FOXP2: variants seen among roughly 807,000 people sequenced by gnomAD.
FOXP2 encodes forkhead box protein P2.
A neutral mutation model predicts 115.8 loss-of-function variants in FOXP2; 12 were observed. That is an observed-to-expected ratio of 0.10 (90% CI 0.07 to 0.17). The LOEUF is 0.17. Ranked by LOEUF, FOXP2 falls within the 10% of genes least tolerant of loss-of-function variation. The pLI, the probability that FOXP2 is intolerant of heterozygous loss-of-function variation, is 1.00. For missense variants in FOXP2, 629 were observed against 843.5 expected, an observed-to-expected ratio of 0.75 and a Z score of 3.15; for synonymous variants, 328 against 297.7, an observed-to-expected ratio of 1.10 and a Z score of -1.05.
chr7:114,643,292 T>A (rs1805685267), intron 7 of FOXP2, among the ~76,000 whole-genome samples: 3 of 152,164 alleles, frequency 2.0e-5, no homozygotes, highest in African/African-American at 7.2e-5. Context: ...AAAAATCAGT[T>A]CTTTAATTTC....
chr7:114,570,918 G>A lies in FOXP2; in HGVS notation c.258+36212G>A, dbSNP rs774797359. 2.8e-5 allele frequency: 44 copies of A among 1,573,550 alleles called. No homozygotes were observed. In the Admixed American group the frequency reaches 7.2e-4, roughly 26 times the overall value. On this transcript the variant is annotated intron_variant, in intron 3 of 16. Transcript: ENST00000350908. ...TGGGCAATTAGAAATTCAGCTACTA[G>A]GCACAAGGCCATGGACCCAGTCCCA...
intron 3 of FOXP2, among the ~76,000 whole-genome samples, chr7:114,589,914 T>A: frequency 6.9e-6 from 1 of 145,638 alleles, no homozygotes; most frequent in African/African-American, 2.4e-5. Context: ...TTTGTTTTTG[T>A]TTTTTTCCAG....
At chr7:114,497,705 AT>A (rs57028364) in intron 2 of FOXP2, among the ~76,000 whole-genome samples, 2,363 of 149,072 alleles carry the variant, frequency 0.016, 35 homozygotes, top group Non-Finnish European at 0.025. Context: ...AAATAAATAA[AT>A]AAAAGTTGCA....
Position 114,661,472 on chromosome 7 carries a change from T to C in FOXP2, c.1648-593T>C, listed in dbSNP as rs146082694. Among the ~76,000 whole-genome samples, 866 of 152,112 alleles carry C rather than the reference T, an allele frequency of 5.7e-3. 8 individuals are homozygous for C. Among genetic ancestry groups the C allele is most frequent in the Middle Eastern group, 0.054 (16 of 294 alleles). ...AGTTTAACATTTACAAAAACTTTAT[T>C]GGGAATTTAAAAAAAATCTAAGTGT... On this transcript the variant is annotated intron_variant, in intron 13 of 16. Coordinates refer to ENST00000350908, the MANE Select transcript of FOXP2 (RefSeq NM_014491.4).
chr7:114,376,677 T>C (rs757245805), intron 2 of FOXP2, among the ~76,000 whole-genome samples: 1 of 152,182 alleles, frequency 6.6e-6, no homozygotes, highest in African/African-American at 2.4e-5. Context: ...ACTGAGGAGA[T>C]GGACAGGATG....
chr7:114,211,086 C>G (rs889697616), intron 1 of FOXP2, among the ~76,000 whole-genome samples: 1 of 152,186 alleles, frequency 6.6e-6, no homozygotes, highest in Non-Finnish European at 1.5e-5. Flanking sequence ...TTCCAGCTTG[C>G]TGCTGTTGGC....
chr7:114,609,301 C>T (rs1228953301), intron 3 of FOXP2, among the ~76,000 whole-genome samples: 1 of 151,580 alleles, frequency 6.6e-6, no homozygotes. Flanking sequence ...AAGAACTGTG[C>T]AAGTTAAAAT....
At chr7:114,602,880 AGCAAAAATAGAAAACTATGCAAT>A (rs1803105572) in intron 3 of FOXP2, among the ~76,000 whole-genome samples, 1 of 152,198 alleles carries the variant, frequency 6.6e-6, no homozygotes, top group African/African-American at 2.4e-5. Context: ...AATATTCTTT[AGCAAAAATAGAAAACTATGCAAT>A]TGTAATACTG....
At chr7:114,375,204 T>G (rs1275564197) in intron 2 of FOXP2, among the ~76,000 whole-genome samples, 1 of 152,052 alleles carries the variant, frequency 6.6e-6, no homozygotes, top group Admixed American at 6.5e-5. Flanking sequence ...ATCAAAACAA[T>G]CCTTACTATA....
chr7:114,118,380 A>G (rs776455744), intron 1 of FOXP2, among the ~76,000 whole-genome samples: 5 of 152,056 alleles, frequency 3.3e-5, no homozygotes, highest in Non-Finnish European at 5.9e-5. Context: ...TAGAAAAAGT[A>G]TGTGATAAAG....
chr7:114,642,546 T>G lies in FOXP2; in HGVS notation c.912T>G (p.Thr304=). 1 of 1,613,776 alleles carries G rather than the reference T, an allele frequency of 6.2e-7. No homozygotes were observed. Residue 304 remains threonine (T), a synonymous_variant, in exon 7 of 17, where the codon ACT becomes ACG. Coordinates refer to ENST00000350908, the MANE Select transcript of FOXP2 (RefSeq NM_014491.4). ...NNSSSTTSSN[T]SKASPPITHH... Reference sequence around the variant, plus strand: ...CCTCCTCGACTACCTCCTCCAACACTTCCAAAGCATCACCACCAATAACTC... The same window carrying G: ...CCTCCTCGACTACCTCCTCCAACACGTCCAAAGCATCACCACCAATAACTC...
chr7:114,629,653 CTG>C (rs1372364220), intron 4 of FOXP2, 150 bp from the exon 5 acceptor site: 1 of 1,597,022 alleles, frequency 6.3e-7, no homozygotes, highest in East Asian at 2.2e-5. Context: ...GTATGTAGAG[CTG>C]TCTCTTTGAA....
chr7:114,587,183 G>A (rs936984557), intron 3 of FOXP2, among the ~76,000 whole-genome samples: 3 of 151,928 alleles, frequency 2.0e-5, no homozygotes, highest in Admixed American at 6.6e-5. Context: ...TAGGTTTTAA[G>A]ACCTGCATGC....
chr7:114,676,778 C>T (rs1807792570), intron 16 of FOXP2, among the ~76,000 whole-genome samples: 1 of 152,120 alleles, frequency 6.6e-6, no homozygotes, highest in Non-Finnish European at 1.5e-5. Flanking sequence ...AGGGAACTGC[C>T]TGCAATTAGT....
intron 1 of FOXP2, chr7:114,416,493 T>G (rs932207614): frequency 6.6e-6 from 1 of 150,832 alleles, no homozygotes; most frequent in Admixed American, 6.6e-5. Flanking sequence ...AGGTTTTTGT[T>G]TACTAGCCTC....
intron 2 of FOXP2, among the ~76,000 whole-genome samples, chr7:114,366,806 GAT>G (rs1321638127): frequency 6.6e-6 from 1 of 152,010 alleles, no homozygotes. Flanking sequence ...CCATTTATAA[GAT>G]ATGTTATACG....
At chr7:114,219,699 A>G (rs1294535813) in intron 1 of FOXP2, among the ~76,000 whole-genome samples, 1 of 151,994 alleles carries the variant, frequency 6.6e-6, no homozygotes, top group Admixed American at 6.6e-5. Context: ...TACTTCTCTA[A>G]TTTGTTACCC....
chr7:114,411,934 G>T (rs188077196), upstream of FOXP2, among the ~76,000 whole-genome samples: 59 of 152,212 alleles, frequency 3.9e-4, no homozygotes, highest in Admixed American at 6.6e-4. Context: ...GGTATTCAAT[G>T]TGTTTTTGAA....
chr7:114,128,042 A>T (rs1791766357), intron 1 of FOXP2, among the ~76,000 whole-genome samples: 1 of 152,232 alleles, frequency 6.6e-6, no homozygotes, highest in Admixed American at 6.5e-5. Flanking sequence ...AGTTATCTGC[A>T]TATATTGGAA....
Sources: gnomAD v4.1 joint callset for allele counts (sites outside exome capture counted in the v4.1 genomes callset) on GRCh38, gnomAD v4.1.1 for gene constraint, MANE v1.5 for transcripts, NCBI Gene and HGNC (gene_info 2026-07-23, HGNC 2026-07-21) for gene names.